ASCC2: variants seen among roughly 807,000 people sequenced by gnomAD.
The protein encoded by ASCC2 is activating signal cointegrator 1 complex subunit 2.
Under a neutral mutation model 93.5 loss-of-function variants are expected in ASCC2, and 42 were observed. That is an observed-to-expected ratio of 0.45 (90% CI 0.35 to 0.58). ASCC2 has a LOEUF of 0.58. ASCC2 is among the 20% of genes least tolerant of loss of function. The probability of loss-of-function intolerance (pLI) is 0.00; values close to 1 mark genes in which losing one functional copy is unlikely to be tolerated. For missense variants in ASCC2, 859 were observed against 977.6 expected, an observed-to-expected ratio of 0.88 and a Z score of 1.62; for synonymous variants, 364 against 384.2, an observed-to-expected ratio of 0.95 and a Z score of 0.62.
At chr22:29,821,838 A>G (rs2057882) in intron 5 of ASCC2, 7 of 346,448 alleles carry the variant, frequency 2.0e-5, no homozygotes, top group Non-Finnish European at 4.0e-5. Flanking sequence ...ACTAAAAAAA[A>G]TTTTTTTTTA....
At chr22:29,793,258 T>G (rs2057999720) in intron 17 of ASCC2, 102 bp downstream of exon 17, 2 of 1,517,130 alleles carry the variant, frequency 1.3e-6, no homozygotes, top group Admixed American at 1.7e-5. Context: ...GGACTGGGTT[T>G]GGGCCCTGGA....
chr22:29,809,422 T>G (rs2060047015), intron 8 of ASCC2, among the ~76,000 whole-genome samples: 1 of 152,092 alleles, frequency 6.6e-6, no homozygotes, highest in African/African-American at 2.4e-5. Context: ...CCTCCTGGGC[T>G]CAAGCGATCT....
intron 17 of ASCC2, 92 bp from the exon 18 acceptor site, chr22:29,792,627 C>A: frequency 6.5e-7 from 1 of 1,536,752 alleles, no homozygotes; most frequent in Non-Finnish European, 8.9e-7. Flanking sequence ...TGAGATGGGG[C>A]CGCCAGGAGG....
Position 29,825,623 on chromosome 22 carries a change from T to C in ASCC2, c.239A>G (p.Gln80Arg). ...GCGTTAATTTTGATAGAATGTTACC[T>C]GGCACCAGAATTTATCGTGAGGCAA... Reference protein sequence around the residue: ...LALPHDKFWCQVIFDETLQKC... With the variant: ...LALPHDKFWCRVIFDETLQKC... The change falls in exon 3 of 20, where the codon CAG (glutamine) becomes CGG (arginine). Residue 80 changes from glutamine (Q) to arginine (R), a missense_variant and splice_region_variant. Physicochemically the swap from Gln to Arg is conservative, Grantham distance 43 (BLOSUM62 1). Transcript: ENST00000307790. The surrounding 1 kb of genome is among the most constrained non-coding windows in gnomAD (Gnocchi z 4.9). The C allele has an allele frequency of 6.2e-7, 1 of 1,614,236 alleles. No homozygotes were observed. The highest frequency in any genetic ancestry group is 1.3e-5 in the African/African-American group (1 of 75,068).
In ASCC2 at chr22:29,802,087, T is replaced by C; in HGVS notation, c.1475A>G (p.Glu492Gly). The change falls in exon 14 of 20, where the codon GAG becomes GGG. Residue 492 changes from glutamate (E) to glycine (G), a missense_variant. Coordinates refer to ENST00000307790, the MANE Select transcript of ASCC2 (RefSeq NM_032204.5). ...LGEGFILACL[E>G]YYHYDPEQVI... ...CTGCTCTGGGTCGTAGTGGTAGTAC[T>C]CCAGGCAGGCCAGGATGAAGCCCTC... 1 of 1,614,178 alleles carries C rather than the reference T, an allele frequency of 6.2e-7. No homozygotes were observed. The highest frequency in any genetic ancestry group is 1.1e-5 in the South Asian group (1 of 91,088).
chr22:29,812,196 G>C (rs1329067119), intron 8 of ASCC2, among the ~76,000 whole-genome samples: 1 of 152,200 alleles, frequency 6.6e-6, no homozygotes, highest in East Asian at 1.9e-4. Flanking sequence ...TGACAGAATG[G>C]ACAGGCAGCT....
chr22:29,807,459 C>A (rs1031364025), intron 9 of ASCC2, among the ~76,000 whole-genome samples: 1 of 151,966 alleles, frequency 6.6e-6, no homozygotes, highest in Admixed American at 6.6e-5. Flanking sequence ...GGCTGAGTAC[C>A]AAGAGCATGG....
chr22:29,808,265 G>C, intron 8 of ASCC2, 80 bp from the exon 9 acceptor site: 2 of 1,389,858 alleles, frequency 1.4e-6, no homozygotes, highest in East Asian at 2.3e-5. Context: ...CAAACCCCAG[G>C]GAGTGGGAAG....
At chr22:29,829,772 C>G (rs1184276397) in intron 2 of ASCC2, among the ~76,000 whole-genome samples, 1 of 151,992 alleles carries the variant, frequency 6.6e-6, no homozygotes, top group Non-Finnish European at 1.5e-5. Flanking sequence ...ATCTACCTGC[C>G]TCAGCCTCCC....
Position 29,813,506 on chromosome 22 carries a change from AG to A in ASCC2, c.756del (p.Cys253AlafsTer27). ...TCCAGAAAGGCCCAAAGTGTGGTGC[AG>A]GTATCACAAAGGTAGAGAACAATGT... ...LKDIVLYLCD[T>X]CTTLWAFLDI... On this transcript the variant is annotated frameshift_variant, in exon 8 of 20. Transcript: ENST00000307790. LOFTEE classifies it high-confidence loss of function. The A allele has an allele frequency of 6.2e-7, 1 of 1,614,120 alleles. No individual in the cohort carries two copies. The highest frequency in any genetic ancestry group is 8.5e-7 in the Non-Finnish European group (1 of 1,179,930).
chr22:29,835,395 C>T (rs560214055), intron 1 of ASCC2, among the ~76,000 whole-genome samples: 13 of 150,932 alleles, frequency 8.6e-5, no homozygotes, highest in African/African-American at 3.2e-4. Flanking sequence ...AAGACCCTGT[C>T]CCAAAATTTA....
intron 5 of ASCC2, among the ~76,000 whole-genome samples, chr22:29,821,701 C>T (rs921773254): frequency 1.3e-5 from 2 of 152,176 alleles, no homozygotes; most frequent in Non-Finnish European, 2.9e-5. Flanking sequence ...TTGCATAATA[C>T]TAATACACTC....
At chr22:29,824,274 A>T (rs1009482817) in intron 4 of ASCC2, among the ~76,000 whole-genome samples, 35 of 151,946 alleles carry the variant, frequency 2.3e-4, no homozygotes, top group African/African-American at 8.2e-4. Context: ...ACACACACAC[A>T]CACACACACA....
intron 13 of ASCC2, 108 bp downstream of exon 13, chr22:29,804,530 T>C (rs916886149): frequency 3.1e-5 from 45 of 1,432,286 alleles, no homozygotes; most frequent in Non-Finnish European, 4.1e-5. Flanking sequence ...AAAAAAACTT[T>C]TTCCCTGAGT....
At chr22:29,827,452 C>T in intron 2 of ASCC2, 1 of 379,430 alleles carries the variant, frequency 2.6e-6, no homozygotes, top group East Asian at 7.8e-5. Context: ...CCTCAAGAAC[C>T]ATCTATGCCT....
rs145012344 is a variant in ASCC2 at position 29,798,713 on chromosome 22, G to A, written c.1688+2278C>T. ...GACATGTGTCCCTGCCGAAGTTCCT[G>A]TGTACCCCACCCCAGCACCTCCCAC... On this transcript the variant is annotated intron_variant, in intron 15 of 19. Transcript: ENST00000307790. Among the ~76,000 whole-genome samples the A allele has an allele frequency of 7.9e-4, 121 of 152,288 alleles. 1 individual carries two copies. The highest frequency in any genetic ancestry group is 2.7e-3 in the Admixed American group (41 of 15,290).
At chr22:29,798,296 C>G (rs5997527) in intron 15 of ASCC2, among the ~76,000 whole-genome samples, 1 of 152,128 alleles carries the variant, frequency 6.6e-6, no homozygotes, top group South Asian at 2.1e-4. Flanking sequence ...CAGGCCTGCA[C>G]CCTGTGAGTT....
intron 8 of ASCC2, among the ~76,000 whole-genome samples, chr22:29,808,505 T>G (rs544834655): frequency 6.6e-6 from 1 of 152,188 alleles, no homozygotes; most frequent in Non-Finnish European, 1.5e-5. Context: ...CAAGATTACT[T>G]GCTTGTAATT....
At chr22:29,837,266 CGAA>C in intron 1 of ASCC2, among the ~76,000 whole-genome samples, 1 of 89,026 alleles carries the variant, frequency 1.1e-5, no homozygotes, top group African/African-American at 3.7e-5. Context: ...CCGTCTCTAC[CGAA>C]AAAAAAAAAA....
Sources: gnomAD v4.1 joint callset for allele counts (sites outside exome capture counted in the v4.1 genomes callset) on GRCh38, gnomAD v4.1.1 for gene constraint, Gnocchi (gnomAD v3.1) non-coding constraint, MANE v1.5 for transcripts, NCBI Gene and HGNC (gene_info 2026-07-23, HGNC 2026-07-21) for gene names.